Variants in NAPB observed in about 807,000 individuals in gnomAD.
NAPB encodes the protein NSF attachment protein beta, also known as beta-soluble NSF attachment protein.
Under a neutral mutation model 44.7 loss-of-function variants are expected in NAPB, and 26 were observed. The ratio of observed to expected loss-of-function variants is 0.58; its 90% CI spans 0.43 to 0.81. The LOEUF (loss-of-function observed/expected upper bound fraction) is 0.81. NAPB is among the 30% of genes least tolerant of loss of function. The pLI, the probability that NAPB is intolerant of heterozygous loss-of-function variation, is 0.00. For missense variants in NAPB, 315 were observed against 356.4 expected (o/e 0.88, Z 0.94); for synonymous variants, 120 against 116.8 (o/e 1.03, Z -0.18).
chr20:23,400,526 G>A (rs1239891941), intron 2 of NAPB, among the ~76,000 whole-genome samples: 1 of 152,084 alleles, frequency 6.6e-6, no homozygotes, highest in Non-Finnish European at 1.5e-5. Context: ...CGGAGGTGGA[G>A]GGGGAACTTG....
rs1022150188 is a variant in NAPB, at chr20:23,376,103, G to A, written c.*1273C>T. The A allele has an allele frequency of 6.6e-6, 1 of 152,174 alleles. No homozygotes were observed. The highest frequency in any genetic ancestry group is 2.4e-5 in the African/African-American group (1 of 41,422). The allele number at this position is 152,174 out of a possible 1,614,324, so 9.4% of individuals were successfully genotyped here. A position where few individuals can be genotyped will look rare whatever the true frequency, so the allele number is the denominator to read the frequency against. On this transcript the variant is annotated 3_prime_UTR_variant, in exon 11 of 11. Transcript: ENST00000377026. ...ATCAGTGAAGCTCCGTGATGTCAGA[G>A]TGTCTGCTGGGTTAAGTCTGGCAAC...
rs34238446 is a variant in NAPB, at chr20:23,383,156, C to CAAA, written c.562-1842_562-1840dup. On this transcript the variant is annotated intron_variant, in intron 7 of 10. Transcript: ENST00000377026. ...TGGGCGACAGAGCAAGACTCGGTCT[C>CAAA]AAAAAAAAAAAAAAAAAAAAAAAGG... 3.5e-3 allele frequency among the ~76,000 whole-genome samples: 270 copies of CAAA among 76,642 alleles called. 3 individuals carry two copies. Among genetic ancestry groups the CAAA allele is most frequent in the African/African-American group, 0.011 (200 of 18,884 alleles). The allele number at this position is 76,642 out of a possible 152,430, so 50.3% of individuals were successfully genotyped here.
chr20:23,390,395 CT>C, intron 5 of NAPB, 131 bp from the exon 6 acceptor site: 1 of 719,208 alleles, frequency 1.4e-6, no homozygotes, highest in Non-Finnish European at 2.4e-6. Context: ...GGCCTACTTT[CT>C]TTAGGAAATA....
chr20:23,411,311 A>C (rs917106927), intron 1 of NAPB, among the ~76,000 whole-genome samples: 3 of 152,250 alleles, frequency 2.0e-5, no homozygotes, highest in Admixed American at 6.5e-5. Context: ...TTCCACATAA[A>C]AACTCAAAGT....
intron 7 of NAPB, 92 bp from the exon 8 acceptor site, chr20:23,381,409 T>C (rs1982995354): frequency 5.5e-6 from 4 of 731,044 alleles, no homozygotes; most frequent in Non-Finnish European, 8.9e-6. Flanking sequence ...AAAATAATTA[T>C]GTATCTTATG....
At chr20:23,397,218 G>A (rs1380885847) in intron 2 of NAPB, 30 bp from the exon 3 acceptor site, 2 of 1,593,662 alleles carry the variant, frequency 1.3e-6, no homozygotes, top group East Asian at 2.3e-5. Context: ...TAAACACAGA[G>A]GAACAAGTCC....
At chr20:23,382,360 G>A (rs1433850516) in intron 7 of NAPB, among the ~76,000 whole-genome samples, 6 of 152,118 alleles carry the variant, frequency 3.9e-5, no homozygotes, top group Admixed American at 3.9e-4. Flanking sequence ...ACAAGACCCA[G>A]TCTCATAACC....
rs1468379884 is a variant in NAPB at position 23,381,250 on chromosome 20, G to A, written c.629C>T (p.Ala210Val). 6.2e-7 allele frequency: 1 copy of A among 1,613,386 alleles called. No individual in the cohort carries two copies. Among genetic ancestry groups the A allele is most frequent in the Admixed American group, 1.7e-5 (1 of 59,904 alleles). The change falls in exon 8 of 11, where the codon GCC becomes GTC. Residue 210 changes from alanine to valine, a missense_variant. Around this residue, in one of 3 missense-constraint regions of NAPB, gnomAD observed 120 missense variants for 130.5 expected, o/e 0.92. Transcript: ENST00000377026. Reference protein sequence around the residue: ...YSAKDYFFKAALCHFIVDELN... With the variant: ...YSAKDYFFKAVLCHFIVDELN... ...CTCGTCTACTATGAAGTGGCAGAGG[G>A]CAGCTTTGAAGAAGTAATCCTTTGC...
At chr20:23,410,773 C>T (rs963587252) in intron 1 of NAPB, among the ~76,000 whole-genome samples, 1 of 152,100 alleles carries the variant, frequency 6.6e-6, no homozygotes, top group African/African-American at 2.4e-5. Context: ...AATTAAAATA[C>T]GTTCCCTAAA....
chr20:23,421,092 C>G (rs903046037), intron 1 of NAPB, among the ~76,000 whole-genome samples: 3 of 151,246 alleles, frequency 2.0e-5, no homozygotes, highest in African/African-American at 7.3e-5. Context: ...CTGGAGGGCG[C>G]GTGCGGACTG....
chr20:23,410,039 G>A (rs1985540700), intron 1 of NAPB, among the ~76,000 whole-genome samples: 1 of 152,198 alleles, frequency 6.6e-6, no homozygotes, highest in Non-Finnish European at 1.5e-5. Flanking sequence ...TGAATAGAAG[G>A]GCTTTGCCAC....
At chr20:23,413,254 T>C (rs573333309) in intron 1 of NAPB, among the ~76,000 whole-genome samples, 21 of 151,608 alleles carry the variant, frequency 1.4e-4, no homozygotes, top group Non-Finnish European at 2.5e-4. Context: ...TAAGTAATAA[T>C]ATACAAAGAA....
intron 7 of NAPB, among the ~76,000 whole-genome samples, chr20:23,382,949 G>A (rs1357301902): frequency 6.6e-6 from 1 of 152,160 alleles, no homozygotes; most frequent in Non-Finnish European, 1.5e-5. Context: ...GAGGTCAAGA[G>A]TTCAAGACCA....
At chr20:23,388,602 T>C (rs1372205852) in intron 7 of NAPB, among the ~76,000 whole-genome samples, 5 of 152,188 alleles carry the variant, frequency 3.3e-5, no homozygotes, top group Non-Finnish European at 7.4e-5. Context: ...TAAGCCCTCA[T>C]ATTTCATATG....
intron 10 of NAPB, 21 bp downstream of exon 10, chr20:23,379,424 T>C: frequency 6.4e-7 from 1 of 1,571,946 alleles, no homozygotes; most frequent in South Asian, 1.2e-5. Flanking sequence ...TAATGTACCA[T>C]GTCCCAAAAG....
chr20:23,388,591 G>C lies in NAPB; in HGVS notation c.561+1355C>G, dbSNP rs552030859. ...GATCAATGGAATAGAGAGCCCAGAA[G>C]TAAGCCCTCATATTTCATATGGTGA... On this transcript the variant is annotated intron_variant, in intron 7 of 10. Coordinates refer to ENST00000377026, the MANE Select transcript of NAPB (RefSeq NM_022080.3). Among the ~76,000 whole-genome samples, 63 of 152,278 alleles carry C rather than the reference G, an allele frequency of 4.1e-4. 1 individual carries two copies. In the South Asian group the frequency reaches 8.3e-3, roughly 20 times the overall value.
At chr20:23,381,019 G>T in intron 8 of NAPB, 194 bp downstream of exon 8, 1 of 540,622 alleles carries the variant, frequency 1.8e-6, no homozygotes, top group Non-Finnish European at 3.3e-6. Flanking sequence ...AAACTATCAG[G>T]TAACTTTTGA....
chr20:23,420,880 G>A (rs955490875), intron 1 of NAPB, among the ~76,000 whole-genome samples: 13 of 151,428 alleles, frequency 8.6e-5, no homozygotes, highest in African/African-American at 3.2e-4. Flanking sequence ...GGGGTTCTCT[G>A]AAAGGCGCGT....
Position 23,421,406 on chromosome 20 carries a change from G to A in NAPB, c.-4C>T, listed in dbSNP as rs1254807845. On this transcript the variant is annotated 5_prime_UTR_variant, in exon 1 of 11. Coordinates refer to ENST00000377026, the MANE Select transcript of NAPB (RefSeq NM_022080.3). ...GCTCCTTCCCCGCGTTGTCCATGTC[G>A]CCCGCCGCGGCCGCCACAGCCCCCT... is the stretch of plus-strand genomic sequence containing the variant. The A allele has an allele frequency of 1.9e-6, 3 of 1,541,582 alleles. No individual in the cohort carries two copies. The highest frequency in any genetic ancestry group is 1.4e-5 in the African/African-American group (1 of 71,828).
Sources: allele counts gnomAD v4.1 joint callset (sites outside exome capture counted in the v4.1 genomes callset), GRCh38; gene constraint gnomAD v4.1.1; regional missense constraint gnomAD v4.1.1; transcripts MANE v1.5; gene names NCBI Gene and HGNC (gene_info 2026-07-23, HGNC 2026-07-21).